The following AGPAT4 variants were observed in gnomAD, a reference collection of about 807,000 sequenced individuals.
AGPAT4 encodes the protein 1-acylglycerol-3-phosphate O-acyltransferase 4.
AGPAT4 carries 15 observed loss-of-function variants against 48.0 expected under a neutral mutation model. The ratio of observed to expected loss-of-function variants is 0.31; its 90% CI spans 0.21 to 0.48. The LOEUF (loss-of-function observed/expected upper bound fraction) is 0.48, where lower values mean the gene tolerates loss of function less well. AGPAT4 is among the 20% of genes least tolerant of loss of function. AGPAT4 has a pLI of 0.99. For missense variants in AGPAT4, 314 were observed against 482.5 expected, an observed-to-expected ratio of 0.65 and a Z score of 3.27; for synonymous variants, 178 against 198.7, an observed-to-expected ratio of 0.90 and a Z score of 0.88.
chr6:161,168,774 G>A lies in AGPAT4; in HGVS notation c.179-2357C>T, dbSNP rs112005358. ...ACAACATGACAGGGAAAGGAGAAAG[G>A]CCTGCTAATAGGATGGCTGCTGAAT... On this transcript the variant is annotated intron_variant, in intron 2 of 8. Transcript: ENST00000320285. Among the ~76,000 whole-genome samples the A allele has an allele frequency of 6.0e-3, 919 of 152,290 alleles. 12 individuals are homozygous for A. Among genetic ancestry groups the A allele is most frequent in the African/African-American group, 0.021 (877 of 41,566 alleles).
chr6:161,238,878 C>T lies in AGPAT4; in HGVS notation c.-89-6576G>A, dbSNP rs925992844. ...TCCTGTCAGCATGTGAAGAAGGTTG[C>T]GTTTGCTTCCCCTTCTGCCATGATT... On this transcript the variant is annotated intron_variant, in intron 1 of 8. Coordinates refer to ENST00000320285, the MANE Select transcript of AGPAT4 (RefSeq NM_020133.3). The surrounding 1 kb of genome is among the most constrained non-coding windows in gnomAD (Gnocchi z 5.2). Among the ~76,000 whole-genome samples the T allele has an allele frequency of 1.1e-4, 16 of 152,180 alleles. No homozygotes were observed. The highest frequency in any genetic ancestry group is 2.4e-4 in the African/African-American group (10 of 41,436).
At position 161,230,773 on chromosome 6, in the gene AGPAT4, A is replaced by G. The variant is rs9458160; in HGVS notation, c.178+1263T>C. On this transcript the variant is annotated intron_variant, in intron 2 of 8. Transcript: ENST00000320285. ...AGACTAAAGTTGCTGTTTTACAATT[A>G]TAACTCAATCTTAGGATCTTATGAA... Among the ~76,000 whole-genome samples, 638 of 152,366 alleles carry G rather than the reference A, an allele frequency of 4.2e-3. 5 individuals carry two copies. The highest frequency in any genetic ancestry group is 0.015 in the African/African-American group (617 of 41,588).
chr6:161,233,462 T>C lies in AGPAT4; in HGVS notation c.-89-1160A>G, dbSNP rs1782184547. Among the ~76,000 whole-genome samples, 1 of 152,230 alleles carries C rather than the reference T, an allele frequency of 6.6e-6. No homozygotes were observed. Among genetic ancestry groups the C allele is most frequent in the East Asian group, 1.9e-4 (1 of 5,206 alleles). ...GGCCCTAAAATTGTTACAATCTTTT[T>C]TAATAATGAACAATCTGTATACAGA... On this transcript the variant is annotated intron_variant, in intron 1 of 8. Transcript: ENST00000320285. This position sits in a 1 kb window ranked among gnomAD's most constrained non-coding sequence, Gnocchi z 5.4.
Position 161,198,881 on chromosome 6 carries a change from C to T in AGPAT4, c.179-32464G>A, listed in dbSNP as rs897992198. On this transcript the variant is annotated intron_variant, in intron 2 of 8. Coordinates refer to ENST00000320285, the MANE Select transcript of AGPAT4 (RefSeq NM_020133.3). This position sits in a 1 kb window ranked among gnomAD's most constrained non-coding sequence, Gnocchi z 4.3. The stretch of plus-strand genomic sequence containing the variant: ...GTAAATATCTTGTTTATATGATCCA[C>T]GATTCTATATTTTAAACTCCAGAAA... 1.3e-5 allele frequency among the ~76,000 whole-genome samples: 2 copies of T among 152,060 alleles called. No individual in the cohort carries two copies. Among genetic ancestry groups the T allele is most frequent in the Non-Finnish European group, 2.9e-5 (2 of 68,018 alleles).
chr6:161,161,182 C>T lies in AGPAT4; in HGVS notation c.348+5066G>A, dbSNP rs1165000474. ...GGATCAGACTCTGGCTTGTTAAAGA[C>T]ACTGCCAGAGGATCCTGGTCAACAA... On this transcript the variant is annotated intron_variant, in intron 3 of 8. Transcript: ENST00000320285. The surrounding 1 kb of genome is among the most constrained non-coding windows in gnomAD (Gnocchi z 4.6). 1 of 456,624 alleles carries T rather than the reference C, an allele frequency of 2.2e-6. No homozygotes were observed. The highest frequency in any genetic ancestry group is 4.4e-6 in the Non-Finnish European group (1 of 226,976). The allele number at this position is 456,624 out of a possible 1,614,324, so 28.3% of individuals were successfully genotyped here. A position where few individuals can be genotyped will look rare whatever the true frequency, so the allele number is the denominator to read the frequency against.
At chr6:161,271,680 A>G (rs1783428194) in intron 1 of AGPAT4, among the ~76,000 whole-genome samples, 1 of 152,016 alleles carries the variant, frequency 6.6e-6, no homozygotes, top group South Asian at 2.1e-4. Context: ...TTGTTTGTTT[A>G]TTGGGTTTGG....
chr6:161,190,281 A>C (rs1780884129), intron 2 of AGPAT4, among the ~76,000 whole-genome samples: 1 of 152,198 alleles, frequency 6.6e-6, no homozygotes, highest in African/African-American at 2.4e-5. Context: ...GTACCAGACT[A>C]ATGGAAAAGC....
In AGPAT4 at chr6:161,206,708, G is replaced by A. The variant is rs1157088237; in HGVS notation, c.178+25328C>T. Among the ~76,000 whole-genome samples the A allele has an allele frequency of 6.6e-6, 1 of 151,998 alleles. No homozygotes were observed. The highest frequency in any genetic ancestry group is 1.5e-5 in the Non-Finnish European group (1 of 68,016). ...AAGACAATTGACACATGCCAACCCT[G>A]GGATGACACAGACATGGAAGATATT... is the stretch of plus-strand genomic sequence containing the variant. On this transcript the variant is annotated intron_variant, in intron 2 of 8. Coordinates refer to ENST00000320285, the MANE Select transcript of AGPAT4 (RefSeq NM_020133.3). The surrounding 1 kb of genome is among the most constrained non-coding windows in gnomAD (Gnocchi z 4.8).
chr6:161,161,555 A>G lies in AGPAT4; in HGVS notation c.348+4693T>C. ...ATCTGCCATAGGCTCAGGTGATGCC[A>G]GCAGTGAGCAGGGTGCAAGACCACC... On this transcript the variant is annotated intron_variant, in intron 3 of 8. Coordinates refer to ENST00000320285, the MANE Select transcript of AGPAT4 (RefSeq NM_020133.3). This position sits in a 1 kb window ranked among gnomAD's most constrained non-coding sequence, Gnocchi z 4.6. 2.2e-6 allele frequency: 1 copy of G among 452,632 alleles called. No homozygotes were observed. The highest frequency in any genetic ancestry group is 4.5e-6 in the Non-Finnish European group (1 of 224,300). 28.0% of individuals were successfully genotyped at this position (452,632 alleles called of 1,614,324 possible).
rs746417547 is a variant in AGPAT4 at position 161,137,622 on chromosome 6, G to T, written c.1043-988C>A. Among the ~76,000 whole-genome samples the T allele has an allele frequency of 2.0e-5, 3 of 149,990 alleles. No individual in the cohort carries two copies. The highest frequency in any genetic ancestry group is 4.4e-5 in the Non-Finnish European group (3 of 67,924). On this transcript the variant is annotated intron_variant, in intron 8 of 8. Coordinates refer to ENST00000320285, the MANE Select transcript of AGPAT4 (RefSeq NM_020133.3). This position sits in a 1 kb window ranked among gnomAD's most constrained non-coding sequence, Gnocchi z 6.1. ...GAAAGAAGTGAGTAAAACGTGGACC[G>T]TGTGGCCTTGGAAGAGGAGTAAAGA...
chr6:161,166,508 G>T lies in AGPAT4; in HGVS notation c.179-91C>A. The T allele has an allele frequency of 6.9e-7, 1 of 1,456,842 alleles. No individual in the cohort carries two copies. The highest frequency in any genetic ancestry group is 9.2e-7 in the Non-Finnish European group (1 of 1,088,502). The allele number at this position is 1,456,842 out of a possible 1,614,324, so 90.2% of individuals were successfully genotyped here. On this transcript the variant is annotated intron_variant, in intron 2 of 8. Coordinates refer to ENST00000320285, the MANE Select transcript of AGPAT4 (RefSeq NM_020133.3). The surrounding 1 kb of genome is among the most constrained non-coding windows in gnomAD (Gnocchi z 6.7). ...GCAGGGCTCTGCCCTCCCAGCTAGG[G>T]GAGAAAGCAACTTCTACGGGCAAAG...
rs1782917832 is a variant in AGPAT4 at position 161,255,334 on chromosome 6, A to G, written c.-90+18604T>C. Among the ~76,000 whole-genome samples the G allele has an allele frequency of 6.6e-6, 1 of 152,232 alleles. No individual in the cohort carries two copies. The highest frequency in any genetic ancestry group is 6.5e-5 in the Admixed American group (1 of 15,288). ...ATCCAGCTGTAGTTCTTCTGATGTT[A>G]GAATTACCATATGACCCAGAAACTC... On this transcript the variant is annotated intron_variant, in intron 1 of 8. Coordinates refer to ENST00000320285, the MANE Select transcript of AGPAT4 (RefSeq NM_020133.3). This position sits in a 1 kb window ranked among gnomAD's most constrained non-coding sequence, Gnocchi z 4.7.
At chr6:161,247,039 GCAGC>G (rs1396083283) in intron 1 of AGPAT4, among the ~76,000 whole-genome samples, 1 of 152,202 alleles carries the variant, frequency 6.6e-6, no homozygotes, top group African/African-American at 2.4e-5. Flanking sequence ...CATGCTGTAA[GCAGC>G]CAAGTTGAGT....
At chr6:161,271,156 T>C (rs1783410784) in intron 1 of AGPAT4, among the ~76,000 whole-genome samples, 1 of 152,224 alleles carries the variant, frequency 6.6e-6, no homozygotes, top group Non-Finnish European at 1.5e-5. Flanking sequence ...GCACAGAGTA[T>C]ACCTGCTCTA....
rs552273384 is a variant in AGPAT4, at chr6:161,136,237, C to T, written c.*303G>A. ...CTTCGGTCCCCAGCCCTGCCCTCCC[C>T]TGCAGCCTAAAATACCCTTTCTATG... is the stretch of plus-strand genomic sequence containing the variant. On this transcript the variant is annotated 3_prime_UTR_variant, in exon 9 of 9. Coordinates refer to ENST00000320285, the MANE Select transcript of AGPAT4 (RefSeq NM_020133.3). 4 of 365,654 alleles carry T rather than the reference C, an allele frequency of 1.1e-5. No individual in the cohort carries two copies. The highest frequency in any genetic ancestry group is 4.4e-5 in the Admixed American group (1 of 22,946). 22.7% of individuals were successfully genotyped at this position (365,654 alleles called of 1,614,324 possible). A position where few individuals can be genotyped will look rare whatever the true frequency, so the allele number is the denominator to read the frequency against.
At position 161,137,427 on chromosome 6, in the gene AGPAT4, G is replaced by A. The variant is rs1316209538; in HGVS notation, c.1043-793C>T. Among the ~76,000 whole-genome samples the A allele has an allele frequency of 6.6e-6, 1 of 152,210 alleles. No homozygotes were observed. The highest frequency in any genetic ancestry group is 2.4e-5 in the African/African-American group (1 of 41,454). ...AAATCATGATGCACAGGATTATCTA[G>A]CATTAGCATCGCGGTCGATAAACTA... On this transcript the variant is annotated intron_variant, in intron 8 of 8. Coordinates refer to ENST00000320285, the MANE Select transcript of AGPAT4 (RefSeq NM_020133.3). This position sits in a 1 kb window ranked among gnomAD's most constrained non-coding sequence, Gnocchi z 6.1.
At chr6:161,192,761 G>T (rs1417464740) in intron 2 of AGPAT4, among the ~76,000 whole-genome samples, 1 of 152,142 alleles carries the variant, frequency 6.6e-6, no homozygotes, top group African/African-American at 2.4e-5. Flanking sequence ...ATTATTCTTG[G>T]AAGTTATTTT....
intron 1 of AGPAT4, among the ~76,000 whole-genome samples, chr6:161,241,028 G>A (rs1249238592): frequency 2.0e-5 from 3 of 152,120 alleles, no homozygotes; most frequent in Non-Finnish European, 4.4e-5. Context: ...ACTTTGGGAA[G>A]CCGAGGTGGG....
rs2115014577 is a variant in AGPAT4 at position 161,206,069 on chromosome 6, G to A, written c.178+25967C>T. ...GTATGTTTTTTCAAGCCCGTGCGATGTAGACAAAAAAAGCCCCAAGAAAAG... is the reference window on the plus strand; with the variant it reads ...GTATGTTTTTTCAAGCCCGTGCGATATAGACAAAAAAAGCCCCAAGAAAAG... On this transcript the variant is annotated intron_variant, in intron 2 of 8. Transcript: ENST00000320285. The surrounding 1 kb of genome is among the most constrained non-coding windows in gnomAD (Gnocchi z 4.8). Among the ~76,000 whole-genome samples the A allele has an allele frequency of 6.6e-6, 1 of 152,220 alleles. No homozygotes were observed. The highest frequency in any genetic ancestry group is 2.4e-5 in the African/African-American group (1 of 41,536).
Sources: gnomAD v4.1 joint callset for allele counts (sites outside exome capture counted in the v4.1 genomes callset) on GRCh38, gnomAD v4.1.1 for gene constraint, Gnocchi (gnomAD v3.1) non-coding constraint, MANE v1.5 for transcripts, NCBI Gene and HGNC (gene_info 2026-07-23, HGNC 2026-07-21) for gene names.